Variants in TAS2R1 observed in about 807,000 individuals in gnomAD.
TAS2R1 encodes taste receptor type 2 member 1.
For missense variants in TAS2R1, 370 were observed against 353.4 expected (o/e 1.05, Z -0.38); for synonymous variants, 141 against 134.2 (o/e 1.05, Z -0.35).
chr5:9,819,552 T>C, the TAS2R1 span, among the ~76,000 whole-genome samples: 1 of 152,214 alleles, frequency 6.6e-6, no homozygotes, highest in Non-Finnish European at 1.5e-5. Flanking sequence ...TAGAGTTTAG[T>C]GCAGAGACAT....
chr5:9,637,807 T>A (rs1034156781), intron 2 of TAS2R1, among the ~76,000 whole-genome samples: 1 of 152,234 alleles, frequency 6.6e-6, no homozygotes, highest in Non-Finnish European at 1.5e-5. Flanking sequence ...CATATTTATT[T>A]TGATAATTTT....
the TAS2R1 span, among the ~76,000 whole-genome samples, chr5:9,749,321 G>T: frequency 6.6e-6 from 1 of 152,184 alleles, no homozygotes; most frequent in Non-Finnish European, 1.5e-5. Context: ...CTTAAATGCT[G>T]AGGGCTGCCC....
At chr5:9,745,061 G>A in the TAS2R1 span, among the ~76,000 whole-genome samples, 1 of 152,150 alleles carries the variant, frequency 6.6e-6, no homozygotes, top group African/African-American at 2.4e-5. Context: ...TGGGTACATT[G>A]AAGAGAATGA....
At chr5:9,770,976 TC>T in the TAS2R1 span, among the ~76,000 whole-genome samples, 1 of 152,174 alleles carries the variant, frequency 6.6e-6, no homozygotes. Flanking sequence ...ATGTTGCAGA[TC>T]AGAAAGGAAA....
the TAS2R1 span, among the ~76,000 whole-genome samples, chr5:9,901,911 C>A: frequency 3.3e-5 from 5 of 152,086 alleles, no homozygotes; most frequent in Admixed American, 6.6e-5. Context: ...GCTTCAGCAC[C>A]AGCCTGTTTA....
At chr5:9,797,072 T>A in the TAS2R1 span, among the ~76,000 whole-genome samples, 1 of 152,120 alleles carries the variant, frequency 6.6e-6, no homozygotes, top group African/African-American at 2.4e-5. Flanking sequence ...CTAGGAGGAG[T>A]TTGATTGGGC....
chr5:9,719,095 A>T, the TAS2R1 span, among the ~76,000 whole-genome samples: 34 of 152,352 alleles, frequency 2.2e-4, no homozygotes, highest in African/African-American at 7.7e-4. Context: ...ATGTGTGTGT[A>T]AATCAATAGT....
chr5:9,830,792 T>C, the TAS2R1 span, among the ~76,000 whole-genome samples: 4 of 152,224 alleles, frequency 2.6e-5, no homozygotes, highest in Non-Finnish European at 5.9e-5. Context: ...CTTCTTTCTT[T>C]ATTCTTCTCC....
the TAS2R1 span, among the ~76,000 whole-genome samples, chr5:9,821,388 A>G: frequency 3.3e-5 from 5 of 152,342 alleles, no homozygotes; most frequent in East Asian, 9.6e-4. Context: ...CAATAAAAGC[A>G]CAACCTCAAA....
intron 2 of TAS2R1, among the ~76,000 whole-genome samples, chr5:9,654,307 G>C (rs1740366660): frequency 6.6e-6 from 1 of 152,028 alleles, no homozygotes; most frequent in South Asian, 2.1e-4. Context: ...AATATTTTGT[G>C]CTGTTATTTT....
intron 2 of TAS2R1, among the ~76,000 whole-genome samples, chr5:9,646,998 A>C (rs1037517178): frequency 6.6e-6 from 1 of 152,150 alleles, no homozygotes; most frequent in African/African-American, 2.4e-5. Flanking sequence ...ATATTATTCC[A>C]TCTACCCATA....
At chr5:9,777,624 A>T in the TAS2R1 span, among the ~76,000 whole-genome samples, 1 of 152,230 alleles carries the variant, frequency 6.6e-6, no homozygotes, top group East Asian at 1.9e-4. Context: ...ATGAATCACA[A>T]GTGTTCTTAA....
the TAS2R1 span, among the ~76,000 whole-genome samples, chr5:9,824,417 C>T: frequency 6.6e-6 from 1 of 152,208 alleles, no homozygotes; most frequent in Non-Finnish European, 1.5e-5. Context: ...CTGAATGTGG[C>T]CAACTGCTTC....
At chr5:9,638,145 T>C (rs528268644) in intron 2 of TAS2R1, among the ~76,000 whole-genome samples, 1 of 152,322 alleles carries the variant, frequency 6.6e-6, no homozygotes, top group African/African-American at 2.4e-5. Flanking sequence ...TTTCTTTCCC[T>C]AGGGATGGGG....
rs143421482 is a variant in TAS2R1 at position 9,710,286 on chromosome 5, C to T, written c.-242+1886G>A. On this transcript the variant is annotated intron_variant, in intron 1 of 2. Transcript: ENST00000506620. ...AGTATGCTCTCCAACTTATCGAGTG[C>T]CCTCCACTCACCCAAGGCCTGGGCC... Among the ~76,000 whole-genome samples the T allele has an allele frequency of 5.0e-3, 758 of 152,046 alleles. 4 individuals carry two copies. Among genetic ancestry groups the T allele is most frequent in the African/African-American group, 0.018 (732 of 41,490 alleles).
At chr5:9,877,803 G>A in the TAS2R1 span, among the ~76,000 whole-genome samples, 1 of 152,356 alleles carries the variant, frequency 6.6e-6, no homozygotes, top group Admixed American at 6.5e-5. Flanking sequence ...CACTGAGACA[G>A]AAGTGTAAAA....
the TAS2R1 span, among the ~76,000 whole-genome samples, chr5:9,732,025 AGATTAT>A: frequency 3.3e-5 from 5 of 152,214 alleles, no homozygotes; most frequent in Non-Finnish European, 5.9e-5. Flanking sequence ...AACACAATAG[AGATTAT>A]GATGTTTACA....
intron 1 of TAS2R1, among the ~76,000 whole-genome samples, chr5:9,673,187 G>C (rs1245749443): frequency 6.6e-6 from 1 of 152,042 alleles, no homozygotes; most frequent in Non-Finnish European, 1.5e-5. Context: ...ACTACCTAGT[G>C]GGTACTACTA....
chr5:9,731,486 C>T, the TAS2R1 span, among the ~76,000 whole-genome samples: 5 of 152,206 alleles, frequency 3.3e-5, no homozygotes, highest in African/African-American at 7.2e-5. Context: ...ACCATCACAA[C>T]GGATTCCCCT....
Sources: gnomAD v4.1 joint callset for allele counts (sites outside exome capture counted in the v4.1 genomes callset) on GRCh38, gnomAD v4.1.1 for gene constraint, MANE v1.5 for transcripts, NCBI Gene and HGNC (gene_info 2026-07-23, HGNC 2026-07-21) for gene names.